The following HOMER3 variants were observed in gnomAD, a reference collection of about 807,000 sequenced individuals.
The protein encoded by HOMER3 is homer protein homolog 3.
In HOMER3, 34 loss-of-function variants were observed where a neutral mutation model predicts 45.5. The ratio of observed to expected loss-of-function variants is 0.75; its 90% confidence interval spans 0.57 to 1.00. HOMER3 has a LOEUF of 1.00. Among genes scored for constraint, HOMER3 ranks in the 50% least tolerant of loss-of-function variants. The pLI is 0.00. For synonymous variants in HOMER3, 223 were observed against 208.8 expected (o/e 1.07, Z -0.58); for missense variants, 480 against 497.5 (o/e 0.96, Z 0.33).
At chr19:18,931,661 C>G (rs1219566054) in intron 7 of HOMER3, 36 bp from the exon 8 acceptor site, 2 of 1,557,532 alleles carry the variant, frequency 1.3e-6, no homozygotes, top group Non-Finnish European at 1.7e-6. Flanking sequence ...GACGCCCCCG[C>G]CTGCACTCTC....
At position 18,936,142 on chromosome 19, in the gene HOMER3, C is replaced by T. The variant is rs1431433370; in HGVS notation, c.304-1732G>A. Among the ~76,000 whole-genome samples the T allele has an allele frequency of 1.3e-5, 2 of 150,356 alleles. 1 individual carries two copies. Among genetic ancestry groups the T allele is most frequent in the Non-Finnish European group, 3.0e-5 (2 of 67,486 alleles). On this transcript the variant is annotated intron_variant, in intron 4 of 9. Coordinates refer to ENST00000392351, the MANE Select transcript of HOMER3 (RefSeq NM_004838.4). Reference sequence around the variant, plus strand: ...CAGGCTGACCAACATGGTGAAACCCCATGTCTACTAAAAATACAAAATCAG... The same window carrying T: ...CAGGCTGACCAACATGGTGAAACCCTATGTCTACTAAAAATACAAAATCAG...
chr19:18,940,017 T>G (rs1350001843), intron 1 of HOMER3: 1 of 152,238 alleles, frequency 6.6e-6, no homozygotes, highest in Non-Finnish European at 1.5e-5. Flanking sequence ...ACCCCGAATC[T>G]GCAGGGGACC....
At chr19:18,931,723 G>A in intron 7 of HOMER3, 98 bp from the exon 8 acceptor site, 1 of 1,507,330 alleles carries the variant, frequency 6.6e-7, no homozygotes, top group East Asian at 2.3e-5. Flanking sequence ...CCACGCCCAG[G>A]ACCGAGCACC....
intron 9 of HOMER3, among the ~76,000 whole-genome samples, chr19:18,930,805 G>A (rs1601269462): frequency 6.6e-6 from 1 of 152,144 alleles, no homozygotes; most frequent in Admixed American, 6.5e-5. Flanking sequence ...ATCAGGAGTT[G>A]AGACCAGCCT....
At chr19:18,936,785 C>T (rs547741775) in intron 4 of HOMER3, among the ~76,000 whole-genome samples, 26 of 151,322 alleles carry the variant, frequency 1.7e-4, no homozygotes. Context: ...GTCAGGAGAT[C>T]GAGACCATCC....
At chr19:18,932,885 A>ACCCCCCCCCCCCCCCCCCCC in intron 6 of HOMER3, 39 bp downstream of exon 6, 4 of 687,536 alleles carry the variant, frequency 5.8e-6, no homozygotes, top group Middle Eastern at 4.6e-4. Context: ...CCCCACCCCT[A>ACCCCCCCCCCCCCCCCCCCC]CCCCCGCCCC....
intron 6 of HOMER3, 38 bp downstream of exon 6, chr19:18,932,885 AC>A: frequency 1.5e-6 from 1 of 687,538 alleles, no homozygotes; most frequent in Non-Finnish European, 2.1e-6. Context: ...CCCCACCCCT[AC>A]CCCCGCCCCT....
chr19:18,938,634 TC>T, intron 3 of HOMER3, 93 bp downstream of exon 3: 2 of 1,510,154 alleles, frequency 1.3e-6, no homozygotes, highest in South Asian at 2.5e-5. Flanking sequence ...GCTTAGGGTT[TC>T]CTGTCCCTTG....
intron 4 of HOMER3, among the ~76,000 whole-genome samples, chr19:18,935,041 C>A (rs1466176199): frequency 6.6e-6 from 1 of 151,614 alleles, no homozygotes; most frequent in Non-Finnish European, 1.5e-5. Context: ...GTGGTTTTAC[C>A]ATGTTGGCCA....
At chr19:18,937,620 C>T (rs1244481100) in intron 4 of HOMER3, among the ~76,000 whole-genome samples, 3 of 142,982 alleles carry the variant, frequency 2.1e-5, no homozygotes, top group South Asian at 2.2e-4. Flanking sequence ...TGCAGTGAGC[C>T]GAGATCGTGC....
rs1396603007 is a variant in HOMER3 at position 18,932,183 on chromosome 19, G to A, written c.534-51C>T. ...GGGTGACACGGGGCTGGGGGGCGGA[G>A]TCGGGCGATGCTGGGCTAGGGGGCG... On this transcript the variant is annotated intron_variant, in intron 6 of 9. Coordinates refer to ENST00000392351, the MANE Select transcript of HOMER3 (RefSeq NM_004838.4). 6.3e-6 allele frequency: 9 copies of A among 1,431,532 alleles called. 1 individual carries two copies. In the South Asian group the frequency reaches 9.4e-5, roughly 15 times the overall value. The allele number at this position is 1,431,532 out of a possible 1,614,324, so 88.7% of individuals were successfully genotyped here. A position where few individuals can be genotyped will look rare whatever the true frequency, so the allele number is the denominator to read the frequency against.
chr19:18,930,581 C>G (rs950012054), intron 9 of HOMER3, among the ~76,000 whole-genome samples: 1 of 149,862 alleles, frequency 6.7e-6, no homozygotes, highest in Non-Finnish European at 1.5e-5. Flanking sequence ...AAGCCTTTAG[C>G]AAAAGCCAAG....
intron 9 of HOMER3, 124 bp downstream of exon 9, chr19:18,931,201 G>A (rs2057027716): frequency 8.8e-6 from 7 of 795,978 alleles, no homozygotes; most frequent in Admixed American, 2.2e-5. Context: ...GCACCTGCTG[G>A]GCATCAGGCC....
intron 6 of HOMER3, 40 bp downstream of exon 6, chr19:18,932,884 T>G: frequency 1.6e-5 from 5 of 312,334 alleles, no homozygotes; most frequent in African/African-American, 5.0e-5. Context: ...CCCCCACCCC[T>G]ACCCCCGCCC....
At chr19:18,932,717 G>C (rs1568337412) in intron 6 of HOMER3, among the ~76,000 whole-genome samples, 2 of 152,066 alleles carry the variant, frequency 1.3e-5, no homozygotes, top group East Asian at 1.9e-4. Context: ...GACAGGGATG[G>C]GGTCAAAACA....
At chr19:18,936,149 A>C (rs1199578795) in intron 4 of HOMER3, among the ~76,000 whole-genome samples, 1 of 150,202 alleles carries the variant, frequency 6.7e-6, no homozygotes, top group Non-Finnish European at 1.5e-5. Flanking sequence ...CCCCATGTCT[A>C]CTAAAAATAC....
Position 18,929,419 on chromosome 19 carries a change from C to G in HOMER3, c.*24G>C, listed in dbSNP as rs753111533. ...CCTGGCCCGCATCCCAGGCCGGAAT[C>G]GTTCATAGAAAACCAGCCCCGGCTC... On this transcript the variant is annotated 3_prime_UTR_variant, in exon 10 of 10. Transcript: ENST00000392351. The G allele has an allele frequency of 1.8e-5, 29 of 1,585,970 alleles. No individual in the cohort carries two copies. Among genetic ancestry groups the G allele is most frequent in the Non-Finnish European group, 2.4e-5 (28 of 1,170,030 alleles).
At position 18,931,540 on chromosome 19, in the gene HOMER3, T is replaced by G. The variant is rs1433714395; in HGVS notation, c.776A>C (p.Gln259Pro). The G allele has an allele frequency of 6.2e-7, 1 of 1,613,606 alleles. No homozygotes were observed. Among genetic ancestry groups the G allele is most frequent in the East Asian group, 2.2e-5 (1 of 44,888 alleles). The change falls in exon 8 of 10, where the codon CAG (glutamine) becomes CCG (proline). Residue 259 changes from glutamine to proline, a missense_variant. By Grantham distance (76) the Gln-to-Pro change is moderately conservative. Coordinates refer to ENST00000392351, the MANE Select transcript of HOMER3 (RefSeq NM_004838.4). Reference sequence around the variant, plus strand: ...CTTGGTTTGCACCAGAGCTTCCAGCTGTTCCAGCGACTGGCCCTGGCCCAG... The same window carrying G: ...CTTGGTTTGCACCAGAGCTTCCAGCGGTTCCAGCGACTGGCCCTGGCCCAG... The part of the protein sequence containing the change: ...EGLGQGQSLE[Q>P]LEALVQTKDQ...
intron 4 of HOMER3, among the ~76,000 whole-genome samples, chr19:18,935,069 C>G (rs149040453): frequency 6.6e-6 from 1 of 151,012 alleles, no homozygotes; most frequent in African/African-American, 2.4e-5. Flanking sequence ...CTTAAATTCC[C>G]GGCTTGAAGT....
Sources: allele counts gnomAD v4.1 joint callset (sites outside exome capture counted in the v4.1 genomes callset), GRCh38; gene constraint gnomAD v4.1.1; transcripts MANE v1.5; gene names NCBI Gene and HGNC (gene_info 2026-07-23, HGNC 2026-07-21).